Variants in TRAPPC9 observed in about 807,000 individuals in gnomAD.
The protein encoded by TRAPPC9 is trafficking protein particle complex subunit 9, also known as IKK2 binding protein.
Under a neutral mutation model 124.0 loss-of-function variants are expected in TRAPPC9, and 83 were observed. That is an observed-to-expected ratio of 0.67 (90% CI 0.56 to 0.80). The LOEUF (loss-of-function observed/expected upper bound fraction) is 0.80. TRAPPC9 is among the 30% of genes least tolerant of loss of function. The pLI, the probability that TRAPPC9 is intolerant of heterozygous loss-of-function variation, is 0.00. For synonymous variants in TRAPPC9, 638 were observed against 617.5 expected (o/e 1.03, Z -0.49); for missense variants, 1,302 against 1,508.3 (o/e 0.86, Z 2.27).
intron 19 of TRAPPC9, among the ~76,000 whole-genome samples, chr8:139,928,465 C>G (rs1832935915): frequency 6.6e-6 from 1 of 151,646 alleles, no homozygotes. Context: ...GCACTCCAGC[C>G]TGGGTGACAA....
At chr8:139,864,252 C>T (rs1828370306) in intron 21 of TRAPPC9, among the ~76,000 whole-genome samples, 1 of 152,204 alleles carries the variant, frequency 6.6e-6, no homozygotes, top group Non-Finnish European at 1.5e-5. Flanking sequence ...TTCAATTACT[C>T]TTATCTCTAC....
chr8:140,276,255 C>T (rs2065115225), intron 14 of TRAPPC9, among the ~76,000 whole-genome samples: 1 of 152,136 alleles, frequency 6.6e-6, no homozygotes, highest in Non-Finnish European at 1.5e-5. Context: ...AAATGTATAC[C>T]AACCATTCCA....
chr8:139,834,628 G>A (rs12682508), intron 21 of TRAPPC9, among the ~76,000 whole-genome samples: 33,270 of 152,210 alleles, frequency 0.22, 5,129 homozygotes, highest in African/African-American at 0.41. Flanking sequence ...TCACAGCTGA[G>A]GGAGTTGAAG....
chr8:140,412,586 G>A (rs2069745356), intron 5 of TRAPPC9, among the ~76,000 whole-genome samples: 1 of 152,148 alleles, frequency 6.6e-6, no homozygotes, highest in South Asian at 2.1e-4. Context: ...CAGGGCCTCA[G>A]GTCTGCAACT....
chr8:140,311,440 T>G (rs1588135676), intron 9 of TRAPPC9, 66 bp from the exon 10 acceptor site: 1 of 1,589,964 alleles, frequency 6.3e-7, no homozygotes, highest in East Asian at 2.2e-5. Flanking sequence ...GGCTTTCATT[T>G]TACTTGGGGC....
In TRAPPC9 at chr8:140,131,860, C is replaced by CT. The variant is rs376169351; in HGVS notation, c.2556+89598dup. 3.4e-3 allele frequency among the ~76,000 whole-genome samples: 519 copies of CT among 152,320 alleles called. 3 individuals carry two copies. Among genetic ancestry groups the CT allele is most frequent in the African/African-American group, 0.012 (498 of 41,576 alleles). ...AAGCTCTTCCTAATCTGGCCTAAAG[C>CT]TTACAGTTGGCTCCAGCCTCACATC... On this transcript the variant is annotated intron_variant, in intron 17 of 22. Transcript: ENST00000438773.
At chr8:139,910,768 G>A (rs1021461042) in intron 19 of TRAPPC9, among the ~76,000 whole-genome samples, 11 of 110,916 alleles carry the variant, frequency 9.9e-5, no homozygotes, top group African/African-American at 5.6e-4. Flanking sequence ...GGCCAGGTGG[G>A]CGTGCCCCTC....
intron 6 of TRAPPC9, 84 bp downstream of exon 6, chr8:140,405,493 A>C: frequency 7.2e-7 from 1 of 1,389,816 alleles, no homozygotes; most frequent in Non-Finnish European, 1.0e-6. Flanking sequence ...ATTAAGAGAC[A>C]CTGCAGCATT....
Position 140,360,039 on chromosome 8 carries a change from A to G in TRAPPC9, c.1495+11T>C. 3.1e-6 allele frequency: 5 copies of G among 1,614,096 alleles called. No homozygotes were observed. The highest frequency in any genetic ancestry group is 4.2e-6 in the Non-Finnish European group (5 of 1,179,988). On this transcript the variant is annotated intron_variant, in intron 9 of 22. Coordinates refer to ENST00000438773, the MANE Select transcript of TRAPPC9 (RefSeq NM_001160372.4). The stretch of plus-strand genomic sequence containing the variant: ...CCTTGAAAAAAAACATTGTGGTTTG[A>G]GCTCACTCACCCTGATCCGACAAGA...
intron 21 of TRAPPC9, among the ~76,000 whole-genome samples, chr8:139,872,294 T>C (rs1317832693): frequency 2.1e-5 from 3 of 143,306 alleles, no homozygotes; most frequent in Non-Finnish European, 4.6e-5. Context: ...ATGGGCGGGC[T>C]GGTAGATGGG....
At chr8:139,775,316 G>A (rs1003756974) in intron 21 of TRAPPC9, among the ~76,000 whole-genome samples, 3 of 152,222 alleles carry the variant, frequency 2.0e-5, no homozygotes, top group Non-Finnish European at 4.4e-5. Context: ...CAAACTAGAT[G>A]AGAATATTGG....
intron 19 of TRAPPC9, among the ~76,000 whole-genome samples, chr8:139,950,597 C>T (rs1038012878): frequency 6.6e-6 from 1 of 152,228 alleles, no homozygotes; most frequent in African/African-American, 2.4e-5. Context: ...ATCATGTTGA[C>T]AAGGCTGCAC....
chr8:140,354,656 G>C (rs1236658854), intron 9 of TRAPPC9, among the ~76,000 whole-genome samples: 1 of 152,170 alleles, frequency 6.6e-6, no homozygotes, highest in Non-Finnish European at 1.5e-5. Context: ...ATTCCTGGCT[G>C]CTCTTCTATT....
chr8:139,748,381 G>A (rs1819086736), intron 21 of TRAPPC9, among the ~76,000 whole-genome samples: 3 of 129,956 alleles, frequency 2.3e-5, no homozygotes, highest in East Asian at 2.3e-4. Flanking sequence ...AGGTAGGGGG[G>A]CGTACAGGGG....
chr8:139,836,010 AT>A (rs1173620033), intron 21 of TRAPPC9, among the ~76,000 whole-genome samples: 1 of 121,608 alleles, frequency 8.2e-6, no homozygotes, highest in African/African-American at 5.0e-5. Flanking sequence ...GCATTTATTT[AT>A]TTATTTATTT....
At chr8:139,988,866 T>C in intron 18 of TRAPPC9, 30 bp from the exon 19 acceptor site, 1 of 1,413,524 alleles carries the variant, frequency 7.1e-7, no homozygotes, top group South Asian at 1.2e-5. Flanking sequence ...AAGTTCAGAA[T>C]CCTCTGACAG....
At chr8:140,100,012 G>C (rs2060545106) in intron 17 of TRAPPC9, 1 of 149,756 alleles carries the variant, frequency 6.7e-6, no homozygotes, top group African/African-American at 2.5e-5. Flanking sequence ...CGCCCACCCG[G>C]GTCCTCCGCA....
rs141603255 is a variant in TRAPPC9, at chr8:139,887,375, C to T, written c.2965-1406G>A. On this transcript the variant is annotated intron_variant, in intron 20 of 22. Coordinates refer to ENST00000438773, the MANE Select transcript of TRAPPC9 (RefSeq NM_001160372.4). The stretch of plus-strand genomic sequence containing the variant: ...AGCTGGGATTACAGGCACCCGCCAC[C>T]ATGCCCAGCTAATTTTTGTATATTT... Among the ~76,000 whole-genome samples the T allele has an allele frequency of 7.9e-3, 1,205 of 152,208 alleles. 16 individuals carry two copies. Among genetic ancestry groups the T allele is most frequent in the African/African-American group, 0.027 (1,134 of 41,516 alleles).
intron 17 of TRAPPC9, among the ~76,000 whole-genome samples, chr8:140,059,097 C>A (rs537337297): frequency 6.6e-6 from 1 of 152,316 alleles, no homozygotes; most frequent in Admixed American, 6.5e-5. Context: ...TCCATCACCC[C>A]CTAAACCTTC....
Sources: allele counts gnomAD v4.1 joint callset (sites outside exome capture counted in the v4.1 genomes callset), GRCh38; gene constraint gnomAD v4.1.1; transcripts MANE v1.5; gene names NCBI Gene and HGNC (gene_info 2026-07-23, HGNC 2026-07-21).